CASZ1: variants seen among roughly 807,000 people sequenced by gnomAD.
The protein encoded by CASZ1 is zinc finger protein castor homolog 1.
Under a neutral mutation model 135.2 loss-of-function variants are expected in CASZ1, and 28 were observed. The ratio of observed to expected loss-of-function variants is 0.21; its 90% CI spans 0.15 to 0.28. The LOEUF is 0.28. Ranked by LOEUF, CASZ1 falls within the 10% of genes least tolerant of loss-of-function variation. The pLI is 1.00. For synonymous variants in CASZ1, 1,068 were observed against 1,073.4 expected, an observed-to-expected ratio of 0.99 and a Z score of 0.10; for missense variants, 2,161 against 2,453.3, an observed-to-expected ratio of 0.88 and a Z score of 2.52.
intron 1 of CASZ1, among the ~76,000 whole-genome samples, chr1:10,795,246 C>T (rs913992881): frequency 6.6e-6 from 1 of 152,126 alleles, no homozygotes; most frequent in Non-Finnish European, 1.5e-5. Flanking sequence ...GACGCTCCTC[C>T]GTCAGTCACC....
At position 10,637,165 on chromosome 1, in the gene CASZ1, G is replaced by C. The variant is rs1642020158; in HGVS notation, c.*1777C>G. On this transcript the variant is annotated 3_prime_UTR_variant, in exon 21 of 21. Transcript: ENST00000377022. ...ATTTTGCTACATTGAAAAAATGTTTGTGTGTGTGTGTTTTTTTTTCCTTTA... is the reference window on the plus strand; with the variant it reads ...ATTTTGCTACATTGAAAAAATGTTTCTGTGTGTGTGTTTTTTTTTCCTTTA... The C allele has an allele frequency of 6.6e-6, 1 of 150,860 alleles. No individual in the cohort carries two copies. The highest frequency in any genetic ancestry group is 2.5e-5 in the African/African-American group (1 of 40,814). The allele number at this position is 150,860 out of a possible 1,614,324, so 9.3% of individuals were successfully genotyped here.
chr1:10,688,090 G>A (rs1285470390), intron 4 of CASZ1, among the ~76,000 whole-genome samples: 2 of 152,238 alleles, frequency 1.3e-5, no homozygotes, highest in African/African-American at 2.4e-5. Context: ...CAGGCCCGGG[G>A]AGGAGGTGGC....
Position 10,707,644 on chromosome 1 carries a change from A to T in CASZ1, c.-76-2100T>A, listed in dbSNP as rs372442879. On this transcript the variant is annotated intron_variant, in intron 2 of 20. Transcript: ENST00000377022. This position sits in a 1 kb window ranked among gnomAD's most constrained non-coding sequence, Gnocchi z 5.0. ...GTGTCCTGGCTGATGGGAGCAGGGA[A>T]GCTGTCCCTGGGTGGGATCTGGGAC... 1.6e-3 allele frequency among the ~76,000 whole-genome samples: 246 copies of T among 152,196 alleles called. No homozygotes were observed. Among genetic ancestry groups the T allele is most frequent in the African/African-American group, 5.7e-3 (236 of 41,518 alleles).
In CASZ1 at chr1:10,774,880, C is replaced by A. The variant is rs1180513738; in HGVS notation, c.-233-14023G>T. Among the ~76,000 whole-genome samples, 1 of 152,316 alleles carries A rather than the reference C, an allele frequency of 6.6e-6. No homozygotes were observed. The highest frequency in any genetic ancestry group is 2.4e-5 in the African/African-American group (1 of 41,564). On this transcript the variant is annotated intron_variant, in intron 1 of 20. Coordinates refer to ENST00000377022, the MANE Select transcript of CASZ1 (RefSeq NM_001079843.3). This position sits in a 1 kb window ranked among gnomAD's most constrained non-coding sequence, Gnocchi z 4.4. ...TGAATCCCCACGTGTCTCCTGCAAC[C>A]ATCTCTGTTCCAGCTTCTCTTCCAG...
At chr1:10,698,910 TG>T (rs2100425878) in intron 3 of CASZ1, among the ~76,000 whole-genome samples, 1 of 152,380 alleles carries the variant, frequency 6.6e-6, no homozygotes, top group Admixed American at 6.5e-5. Flanking sequence ...CTCAGGGCTC[TG>T]TGTGGCTCCA....
At chr1:10,686,342 G>A (rs1171036023) in intron 4 of CASZ1, among the ~76,000 whole-genome samples, 4 of 152,144 alleles carry the variant, frequency 2.6e-5, no homozygotes, top group African/African-American at 7.2e-5. Flanking sequence ...ATCATCCCCC[G>A]CCCCTACCAA....
At chr1:10,670,000 T>G (rs1264273626) in intron 4 of CASZ1, among the ~76,000 whole-genome samples, 1 of 152,234 alleles carries the variant, frequency 6.6e-6, no homozygotes, top group Non-Finnish European at 1.5e-5. Context: ...TATTTCTTCC[T>G]AAGGATGCAG....
intron 1 of CASZ1, among the ~76,000 whole-genome samples, chr1:10,773,528 G>A (rs1272021440): frequency 1.3e-5 from 2 of 152,062 alleles, no homozygotes; most frequent in East Asian, 3.9e-4. Context: ...CGGGGGTTCC[G>A]AATCCTCAGG....
At chr1:10,786,116 C>T (rs927193883) in intron 1 of CASZ1, among the ~76,000 whole-genome samples, 1 of 152,208 alleles carries the variant, frequency 6.6e-6, no homozygotes, top group Non-Finnish European at 1.5e-5. Context: ...ACCCAGAATT[C>T]AACTCACACT....
intron 4 of CASZ1, among the ~76,000 whole-genome samples, chr1:10,681,829 G>A (rs1378646946): frequency 2.6e-5 from 4 of 152,188 alleles, no homozygotes; most frequent in Non-Finnish European, 2.9e-5. Flanking sequence ...GACTCCCTGG[G>A]TGGGACTGAG....
chr1:10,740,869 G>A (rs1424445384), intron 2 of CASZ1, among the ~76,000 whole-genome samples: 1 of 147,348 alleles, frequency 6.8e-6, no homozygotes, highest in Non-Finnish European at 1.5e-5. Context: ...AAAGTGGGAG[G>A]ATTACTTGAG....
In CASZ1 at chr1:10,719,037, C is replaced by T. The variant is rs189895963; in HGVS notation, c.-76-13493G>A. On this transcript the variant is annotated intron_variant, in intron 2 of 20. Coordinates refer to ENST00000377022, the MANE Select transcript of CASZ1 (RefSeq NM_001079843.3). This position sits in a 1 kb window ranked among gnomAD's most constrained non-coding sequence, Gnocchi z 4.0. ...AAGCAATTGTTGTGCCTCAGCCTCC[C>T]GAGTAACTGGGATTACAGGCACTCG... is the stretch of plus-strand genomic sequence containing the variant. 6.0e-4 allele frequency among the ~76,000 whole-genome samples: 91 copies of T among 152,166 alleles called. No individual in the cohort carries two copies. In the East Asian group the frequency reaches 7.7e-3, roughly 13 times the overall value.
In CASZ1 at chr1:10,694,045, G is replaced by C. The variant is rs1035633201; in HGVS notation, c.-23-133C>G. The stretch of plus-strand genomic sequence containing the variant: ...CCCGTCCCGGGCGGGCGCCGAGGCC[G>C]CGGCGGAGAAACTTTCTCCTCCGCG... On this transcript the variant is annotated intron_variant, in intron 3 of 20. Coordinates refer to ENST00000377022, the MANE Select transcript of CASZ1 (RefSeq NM_001079843.3). This position sits in a 1 kb window ranked among gnomAD's most constrained non-coding sequence, Gnocchi z 6.6. The C allele has an allele frequency of 2.1e-5, 16 of 752,904 alleles. No homozygotes were observed. The African/African-American group carries it at 2.9e-4, about 13-fold the overall frequency. 46.6% of individuals were successfully genotyped at this position (752,904 alleles called of 1,614,324 possible).
intron 2 of CASZ1, among the ~76,000 whole-genome samples, chr1:10,713,989 T>C (rs1256187865): frequency 6.6e-6 from 1 of 152,150 alleles, no homozygotes; most frequent in African/African-American, 2.4e-5. Context: ...TGTCCCATTT[T>C]ACAGATAAGA....
chr1:10,756,718 G>A lies in CASZ1; in HGVS notation c.-77+3983C>T, dbSNP rs1223379456. Among the ~76,000 whole-genome samples, 1 of 152,228 alleles carries A rather than the reference G, an allele frequency of 6.6e-6. No homozygotes were observed. The highest frequency in any genetic ancestry group is 2.4e-5 in the African/African-American group (1 of 41,448). On this transcript the variant is annotated intron_variant, in intron 2 of 20. Coordinates refer to ENST00000377022, the MANE Select transcript of CASZ1 (RefSeq NM_001079843.3). This position sits in a 1 kb window ranked among gnomAD's most constrained non-coding sequence, Gnocchi z 5.9. Reference sequence around the variant, plus strand: ...GTACTGGGGCAATTCACACCTTTGTGTGTGGCGACACTATTAGGATCCCTG... The same window carrying A: ...GTACTGGGGCAATTCACACCTTTGTATGTGGCGACACTATTAGGATCCCTG...
At chr1:10,680,193 C>G (rs983866522) in intron 4 of CASZ1, among the ~76,000 whole-genome samples, 2 of 151,578 alleles carry the variant, frequency 1.3e-5, no homozygotes, top group Admixed American at 6.6e-5. Context: ...AAGGAAGTAC[C>G]CTAAAGGCCA....
Position 10,757,760 on chromosome 1 carries a change from C to T in CASZ1, c.-77+2941G>A, listed in dbSNP as rs1640287249. Among the ~76,000 whole-genome samples the T allele has an allele frequency of 1.3e-5, 2 of 152,144 alleles. No individual in the cohort carries two copies. Among genetic ancestry groups the T allele is most frequent in the Admixed American group, 1.3e-4 (2 of 15,270 alleles). On this transcript the variant is annotated intron_variant, in intron 2 of 20. Coordinates refer to ENST00000377022, the MANE Select transcript of CASZ1 (RefSeq NM_001079843.3). The surrounding 1 kb of genome is among the most constrained non-coding windows in gnomAD (Gnocchi z 4.6). Reference sequence around the variant, plus strand: ...CCAAGATTGCACTGCTGCACTCCAGCCTGGGTGACAGAGTGAGACTCCATC... The same window carrying T: ...CCAAGATTGCACTGCTGCACTCCAGTCTGGGTGACAGAGTGAGACTCCATC...
intron 1 of CASZ1, among the ~76,000 whole-genome samples, chr1:10,761,540 G>T (rs1404495317): frequency 7.9e-5 from 12 of 151,818 alleles, no homozygotes; most frequent in Admixed American, 7.9e-4. Context: ...GATAGGTGTT[G>T]GGACAAAAAA....
chr1:10,766,944 T>C (rs1197074318), intron 1 of CASZ1, among the ~76,000 whole-genome samples: 1 of 151,994 alleles, frequency 6.6e-6, no homozygotes, highest in Non-Finnish European at 1.5e-5. Context: ...CAGCACTGCT[T>C]AGTAAGGTGG....
Sources: gnomAD v4.1 joint callset for allele counts (sites outside exome capture counted in the v4.1 genomes callset) on GRCh38, gnomAD v4.1.1 for gene constraint, Gnocchi (gnomAD v3.1) non-coding constraint, MANE v1.5 for transcripts, NCBI Gene and HGNC (gene_info 2026-07-23, HGNC 2026-07-21) for gene names.